KDM2A: variants seen among roughly 807,000 people sequenced by gnomAD.
The protein encoded by KDM2A is lysine demethylase 2A.
KDM2A carries 3 observed loss-of-function variants against 137.3 expected under a neutral mutation model. The observed-to-expected ratio is 0.02, with a 90% CI of 0.01 to 0.06. The LOEUF is 0.06. KDM2A is among the 10% of genes least tolerant of loss of function. The pLI is 1.00. For synonymous variants in KDM2A, 512 were observed against 541.5 expected (o/e 0.95, Z 0.76); for missense variants, 738 against 1,510.6 (o/e 0.49, Z 8.48).
chr11:67,160,569 T>C (rs1856612359), intron 2 of KDM2A, among the ~76,000 whole-genome samples: 2 of 152,100 alleles, frequency 1.3e-5, no homozygotes, highest in South Asian at 4.1e-4. Context: ...GTCAGGAGTT[T>C]GAGACCAGCC....
chr11:67,182,008 AAAC>A lies in KDM2A; in HGVS notation c.307+117_307+119del. ...AACATTGAAGTATATATTTGATTAG[AAAC>A]TACATTTTCATTAGGAACTGAGAAT... On this transcript the variant is annotated intron_variant, in intron 5 of 20. Transcript: ENST00000529006. The A allele has an allele frequency of 3.6e-6, 3 of 844,938 alleles. No individual in the cohort carries two copies. In the Admixed American group the frequency reaches 7.7e-5, roughly 22 times the overall value. The allele number at this position is 844,938 out of a possible 1,614,324, so 52.3% of individuals were successfully genotyped here. A position where few individuals can be genotyped will look rare whatever the true frequency, so the allele number is the denominator to read the frequency against.
intron 5 of KDM2A, among the ~76,000 whole-genome samples, chr11:67,198,856 G>A (rs1228278792): frequency 6.6e-6 from 1 of 151,870 alleles, no homozygotes; most frequent in Admixed American, 6.6e-5. Flanking sequence ...TTGGCTTACT[G>A]CAACCTCCAC....
intron 5 of KDM2A, among the ~76,000 whole-genome samples, chr11:67,197,971 A>G (rs1385184898): frequency 7.0e-6 from 1 of 142,498 alleles, no homozygotes; most frequent in East Asian, 2.0e-4. Context: ...CATATTATAT[A>G]CTGTATTCTT....
intron 15 of KDM2A, among the ~76,000 whole-genome samples, chr11:67,247,038 TATATATATATATATATATATATA>T (rs1859244231): frequency 5.8e-5 from 1 of 17,164 alleles, no homozygotes; most frequent in African/African-American, 1.8e-4. Context: ...TAAATTATTT[TATATATATATATATATATATATA>T]TATATATATA....
intron 2 of KDM2A, among the ~76,000 whole-genome samples, chr11:67,170,327 T>C (rs1220943067): frequency 2.0e-5 from 3 of 149,870 alleles, no homozygotes; most frequent in Non-Finnish European, 3.0e-5. Context: ...TTAACAAATA[T>C]CAGAAATCTC....
chr11:67,133,927 C>G (rs1267710037), intron 2 of KDM2A, among the ~76,000 whole-genome samples: 1 of 142,908 alleles, frequency 7.0e-6, no homozygotes, highest in Admixed American at 7.0e-5. Flanking sequence ...CTCCTGACCT[C>G]GTGATCCTCC....
intron 10 of KDM2A, among the ~76,000 whole-genome samples, chr11:67,224,779 T>TTCTCATTTTCCCCAATGATACTC (rs1277081298): frequency 5.3e-5 from 8 of 150,916 alleles, no homozygotes; most frequent in Non-Finnish European, 1.2e-4. Flanking sequence ...ATTAATCCCT[T>TTCTCATTTTCCCCAATGATACTC]TCTCATTTTC....
chr11:67,198,618 G>A (rs1307412009), intron 5 of KDM2A, among the ~76,000 whole-genome samples: 1 of 151,118 alleles, frequency 6.6e-6, no homozygotes, highest in Admixed American at 6.6e-5. Flanking sequence ...GCTGAGTCAG[G>A]AGAATGGCGT....
intron 11 of KDM2A, among the ~76,000 whole-genome samples, chr11:67,229,884 A>G (rs1858658353): frequency 6.7e-6 from 1 of 149,606 alleles, no homozygotes; most frequent in African/African-American, 2.5e-5. Flanking sequence ...AGAAAAAAAA[A>G]AATACATCTA....
chr11:67,253,681 C>T, intron 19 of KDM2A, 70 bp downstream of exon 19: 1 of 1,522,524 alleles, frequency 6.6e-7, no homozygotes, highest in South Asian at 1.2e-5. Context: ...ACCTCGTCTT[C>T]AGAAGCTAAG....
At chr11:67,144,626 G>A (rs1056687795) in intron 2 of KDM2A, among the ~76,000 whole-genome samples, 4 of 151,066 alleles carry the variant, frequency 2.6e-5, no homozygotes, top group African/African-American at 7.3e-5. Context: ...GGAGTACAGT[G>A]GAACAGTAAT....
intron 2 of KDM2A, among the ~76,000 whole-genome samples, chr11:67,133,692 C>CAT (rs1855907681): frequency 6.6e-6 from 1 of 151,662 alleles, no homozygotes. Flanking sequence ...CGTGAGCCAC[C>CAT]GCACCCGGCT....
chr11:67,200,361 G>A (rs1735814944), intron 5 of KDM2A, among the ~76,000 whole-genome samples: 1 of 151,950 alleles, frequency 6.6e-6, no homozygotes, highest in African/African-American at 2.4e-5. Flanking sequence ...GACTACAGGC[G>A]TCCGCCACCA....
rs12801044 is a variant in KDM2A, at chr11:67,138,166, A to G, written c.42+16808A>G. ...GAGTGAAATGCCGTTAAGTGGCACA[A>G]GTCTGTATTTGACCGTGAGTCTCTT... On this transcript the variant is annotated intron_variant, in intron 2 of 20. Transcript: ENST00000529006. 9.4e-3 allele frequency among the ~76,000 whole-genome samples: 1,435 copies of G among 152,236 alleles called. 10 individuals are homozygous for G. Among genetic ancestry groups the G allele is most frequent in the Non-Finnish European group, 0.015 (1,014 of 68,016 alleles).
chr11:67,214,872 A>G (rs1347170950), intron 6 of KDM2A, among the ~76,000 whole-genome samples: 1 of 152,150 alleles, frequency 6.6e-6, no homozygotes, highest in Non-Finnish European at 1.5e-5. Context: ...TCTATAGCAC[A>G]TTGTCAATGC....
At chr11:67,141,473 T>C (rs1856096481) in intron 2 of KDM2A, among the ~76,000 whole-genome samples, 3 of 151,766 alleles carry the variant, frequency 2.0e-5, no homozygotes, top group East Asian at 3.9e-4. Context: ...GAGACCATCC[T>C]GGCTAACATG....
chr11:67,226,911 C>T (rs182747686), intron 10 of KDM2A, among the ~76,000 whole-genome samples: 305 of 151,838 alleles, frequency 2.0e-3, no homozygotes, highest in African/African-American at 6.9e-3. Context: ...AGGATGATAG[C>T]CTGGGTGAAA....
At chr11:67,180,270 ACT>A in intron 3 of KDM2A, 53 bp downstream of exon 3, 1 of 1,568,018 alleles carries the variant, frequency 6.4e-7, no homozygotes, top group Non-Finnish European at 8.7e-7. Flanking sequence ...GAAGCCATAG[ACT>A]CTGAGCATTG....
chr11:67,134,889 A>C (rs1590710050), intron 2 of KDM2A, among the ~76,000 whole-genome samples: 2 of 152,178 alleles, frequency 1.3e-5, no homozygotes, highest in African/African-American at 4.8e-5. Flanking sequence ...AAAAGTAAGC[A>C]TGAAGCCCTT....
Sources: allele counts gnomAD v4.1 joint callset (sites outside exome capture counted in the v4.1 genomes callset), GRCh38; gene constraint gnomAD v4.1.1; transcripts MANE v1.5; gene names NCBI Gene and HGNC (gene_info 2026-07-23, HGNC 2026-07-21).